Variants in TENM3 observed in about 807,000 individuals in gnomAD.
TENM3 encodes teneurin transmembrane protein 3.
In TENM3, 63 loss-of-function variants were observed where a neutral mutation model predicts 255.1. The ratio of observed to expected loss-of-function variants is 0.25; its 90% CI spans 0.20 to 0.30. TENM3 has a LOEUF of 0.30. Ranked by LOEUF, TENM3 falls within the 10% of genes least tolerant of loss-of-function variation. TENM3 has a pLI of 1.00. For missense variants in TENM3, 2,929 were observed against 3,461.1 expected, an observed-to-expected ratio of 0.85 and a Z score of 3.86; for synonymous variants, 1,306 against 1,322.3, an observed-to-expected ratio of 0.99 and a Z score of 0.27.
At chr4:181,921,738 A>T in the TENM3 span, among the ~76,000 whole-genome samples, 1 of 151,492 alleles carries the variant, frequency 6.6e-6, no homozygotes, top group Admixed American at 6.6e-5. Context: ...CCTTCTCCTG[A>T]CTAATTGCCC....
chr4:181,959,602 G>T, the TENM3 span, among the ~76,000 whole-genome samples: 2 of 152,106 alleles, frequency 1.3e-5, no homozygotes, highest in African/African-American at 4.8e-5. Flanking sequence ...CCGGCATGCC[G>T]GCACCCCACA....
At chr4:181,719,170 C>T in the TENM3 span, among the ~76,000 whole-genome samples, 1 of 151,666 alleles carries the variant, frequency 6.6e-6, no homozygotes, top group Non-Finnish European at 1.5e-5. Context: ...CGCGCCACTG[C>T]AGTCCGCAGT....
the TENM3 span, among the ~76,000 whole-genome samples, chr4:181,639,146 C>T: frequency 2.0e-5 from 3 of 152,100 alleles, no homozygotes; most frequent in Non-Finnish European, 4.4e-5. Flanking sequence ...CTTCTGGACT[C>T]TGCTTGGATA....
At chr4:182,317,499 TAG>T (rs1012617127) in intron 1 of TENM3, among the ~76,000 whole-genome samples, 1 of 152,000 alleles carries the variant, frequency 6.6e-6, no homozygotes, top group Non-Finnish European at 1.5e-5. Flanking sequence ...TTGGTTTTTG[TAG>T]AGAGAGGGTT....
At chr4:182,001,989 A>T in the TENM3 span, among the ~76,000 whole-genome samples, 12 of 152,296 alleles carry the variant, frequency 7.9e-5, no homozygotes, top group African/African-American at 2.9e-4. Context: ...ATACCAATAA[A>T]GAAGCTTTTT....
chr4:182,672,513 C>A (rs1755306947), intron 6 of TENM3, among the ~76,000 whole-genome samples: 1 of 152,154 alleles, frequency 6.6e-6, no homozygotes, highest in South Asian at 2.1e-4. Context: ...CCTAGTATAT[C>A]ATTTAGATAG....
chr4:181,523,155 T>TTTGTACTAGTG, the TENM3 span, among the ~76,000 whole-genome samples: 1 of 152,306 alleles, frequency 6.6e-6, no homozygotes, highest in East Asian at 1.9e-4. Context: ...ACTCAATATA[T>TTTGTACTAGTG]AAGCAGCTTG....
chr4:181,547,442 T>C, the TENM3 span, among the ~76,000 whole-genome samples: 1 of 152,094 alleles, frequency 6.6e-6, no homozygotes, highest in Non-Finnish European at 1.5e-5. Context: ...CAATCCAAGA[T>C]ATGTAATATC....
the TENM3 span, among the ~76,000 whole-genome samples, chr4:181,847,502 A>G: frequency 5.3e-5 from 8 of 152,114 alleles, no homozygotes; most frequent in Non-Finnish European, 1.2e-4. Context: ...TCCCCTTAAC[A>G]ACGAAAATTG....
intron 1 of TENM3, among the ~76,000 whole-genome samples, chr4:182,321,796 G>A (rs1422773911): frequency 6.6e-6 from 1 of 151,798 alleles, no homozygotes; most frequent in Non-Finnish European, 1.5e-5. Context: ...ATACAAAGAA[G>A]TAGCCGGATG....
At chr4:181,775,138 G>T in the TENM3 span, among the ~76,000 whole-genome samples, 1 of 152,082 alleles carries the variant, frequency 6.6e-6, no homozygotes, top group Non-Finnish European at 1.5e-5. Flanking sequence ...CCGGGGCAGA[G>T]TCCTGACTCC....
At chr4:182,566,291 G>T (rs572822891) in intron 3 of TENM3, among the ~76,000 whole-genome samples, 1 of 152,244 alleles carries the variant, frequency 6.6e-6, no homozygotes, top group African/African-American at 2.4e-5. Context: ...GACGCGATTT[G>T]GTACCATTGC....
chr4:182,517,865 A>C (rs1039793802), intron 3 of TENM3, among the ~76,000 whole-genome samples: 8 of 152,290 alleles, frequency 5.3e-5, no homozygotes, highest in African/African-American at 1.9e-4. Flanking sequence ...TAATTCTACT[A>C]ATGCATATAA....
At chr4:182,069,792 G>C in the TENM3 span, among the ~76,000 whole-genome samples, 107,834 of 151,578 alleles carry the variant, frequency 0.71, 39,051 homozygotes, top group East Asian at 0.87. Flanking sequence ...TCTTGACAGG[G>C]CTTCTAACTC....
chr4:182,676,963 C>A (rs1185220130), intron 7 of TENM3, among the ~76,000 whole-genome samples: 2 of 152,154 alleles, frequency 1.3e-5, no homozygotes, highest in African/African-American at 2.4e-5. Flanking sequence ...GAATTTCTTC[C>A]TAAAAAGAGC....
intron 13 of TENM3, among the ~76,000 whole-genome samples, chr4:182,714,942 T>C (rs980573909): frequency 8.5e-5 from 13 of 152,210 alleles, no homozygotes; most frequent in African/African-American, 2.9e-4. Context: ...TGGAGTGCAA[T>C]GGCACGATCT....
chr4:182,762,608 C>A (rs4241751), intron 22 of TENM3, among the ~76,000 whole-genome samples: 27,663 of 152,176 alleles, frequency 0.18, 3,259 homozygotes, highest in East Asian at 0.57. Flanking sequence ...CAGCAGCTCT[C>A]ACTCCTGGAT....
the TENM3 span, among the ~76,000 whole-genome samples, chr4:181,556,721 C>A: frequency 1.3e-5 from 2 of 152,112 alleles, no homozygotes; most frequent in African/African-American, 4.8e-5. Flanking sequence ...AGCGTTGATG[C>A]ATTTTTGGTA....
In TENM3 at chr4:182,653,805, G is replaced by T; in HGVS notation, c.1023G>T (p.Gln341His). The T allele has an allele frequency of 1.2e-6, 2 of 1,612,828 alleles. No homozygotes were observed. The highest frequency in any genetic ancestry group is 1.7e-6 in the Non-Finnish European group (2 of 1,179,326). The stretch of plus-strand genomic sequence containing the variant: ...TCTTTGGCCTCAACTGGCAGCTACA[G>T]CAGACTGAAAATGACACATTTGAGA... ...MHLFGLNWQL[Q>H]QTENDTFENG... Residue 341 changes from glutamine to histidine, a missense_variant, in exon 6 of 28, where the codon CAG (glutamine) becomes CAT (histidine). Physicochemically the swap from Gln to His is conservative, Grantham distance 24. This residue lies in a region of TENM3 where 1,608 missense variants were observed against 1,884.4 expected (regional missense o/e 0.85). Transcript: ENST00000511685.
Sources: allele counts gnomAD v4.1 joint callset (sites outside exome capture counted in the v4.1 genomes callset), GRCh38; gene constraint gnomAD v4.1.1; regional missense constraint gnomAD v4.1.1; transcripts MANE v1.5; gene names NCBI Gene and HGNC (gene_info 2026-07-23, HGNC 2026-07-21).